The following A1CF variants were observed in gnomAD, a reference collection of about 807,000 sequenced individuals.
The protein encoded by A1CF is APOBEC-1 stimulating protein.
A1CF carries 48 observed loss-of-function variants against 68.9 expected under a neutral mutation model. That is an observed-to-expected ratio of 0.70 (90% CI 0.55 to 0.89). A1CF has a LOEUF of 0.89. Among genes scored for constraint, A1CF ranks in the 40% least tolerant of loss-of-function variants. The pLI, the probability that A1CF is intolerant of heterozygous loss-of-function variation, is 0.00. For synonymous variants in A1CF, 272 were observed against 260.4 expected (o/e 1.04, Z -0.43); for missense variants, 653 against 718.9 (o/e 0.91, Z 1.05).
At chr10:50,828,670 T>C (rs1216475360) in intron 6 of A1CF, among the ~76,000 whole-genome samples, 1 of 152,088 alleles carries the variant, frequency 6.6e-6, no homozygotes, top group Non-Finnish European at 1.5e-5. Context: ...GGCCCAGATA[T>C]AGAATCTGAC....
chr10:50,817,975 T>C (rs1351162769), intron 8 of A1CF, among the ~76,000 whole-genome samples: 1 of 152,204 alleles, frequency 6.6e-6, no homozygotes, highest in Non-Finnish European at 1.5e-5. Flanking sequence ...ATCATTTTTC[T>C]CTCTGAATAG....
At position 50,836,172 on chromosome 10, in the gene A1CF, T is replaced by C; in HGVS notation, c.506A>G (p.Tyr169Cys). The C allele has an allele frequency of 6.2e-7, 1 of 1,613,986 alleles. No homozygotes were observed. The highest frequency in any genetic ancestry group is 8.5e-7 in the Non-Finnish European group (1 of 1,179,908). Reference protein sequence around the residue: ...VTEGVVDVIVYPSAADKTKNR... With the variant: ...VTEGVVDVIVCPSAADKTKNR... The stretch of plus-strand genomic sequence containing the variant: ...TTTGGTTTTATCTGCAGCGCTTGGG[T>C]AGACGATGACATCGACAACACCTTC... The change falls in exon 6 of 13, where the codon TAC (tyrosine) becomes TGC (cysteine). Residue 169 changes from tyrosine to cysteine, a missense_variant. Physicochemically the swap from Tyr to Cys is radical, Grantham distance 194 (BLOSUM62 -2). Transcript: ENST00000373997.
At chr10:50,876,340 C>G (rs1477843843) in intron 1 of A1CF, among the ~76,000 whole-genome samples, 1 of 152,214 alleles carries the variant, frequency 6.6e-6, no homozygotes, top group Non-Finnish European at 1.5e-5. Flanking sequence ...AATTGTCCAG[C>G]CTGTGCTCCA....
chr10:50,868,904 A>G (rs1400122399), intron 1 of A1CF, among the ~76,000 whole-genome samples: 1 of 152,180 alleles, frequency 6.6e-6, no homozygotes, highest in East Asian at 1.9e-4. Flanking sequence ...CAAATACCAT[A>G]TGTTCTCACA....
chr10:50,816,331 A>T, intron 8 of A1CF, 52 bp from the exon 9 acceptor site: 1 of 1,575,882 alleles, frequency 6.3e-7, no homozygotes, highest in South Asian at 1.1e-5. Flanking sequence ...AAGATAACCA[A>T]GTGTGGCTGA....
In A1CF at chr10:50,806,619, C is replaced by G. The variant is rs1369677703; in HGVS notation, c.*110G>C. 9.5e-7 allele frequency: 1 copy of G among 1,050,964 alleles called. No individual in the cohort carries two copies. The highest frequency in any genetic ancestry group is 1.6e-5 in the African/African-American group (1 of 61,276). 65.1% of individuals were successfully genotyped at this position (1,050,964 alleles called of 1,614,324 possible). A position where few individuals can be genotyped will look rare whatever the true frequency, so the allele number is the denominator to read the frequency against. ...CTATACAGTCTCTGGAAAGGCATTT[C>G]TTTAGGAAACATATTATTTATGATC... On this transcript the variant is annotated 3_prime_UTR_variant, in exon 13 of 13. Coordinates refer to ENST00000373997, the MANE Select transcript of A1CF (RefSeq NM_014576.4).
At chr10:50,844,624 C>T (rs1340914348) in intron 3 of A1CF, among the ~76,000 whole-genome samples, 1 of 152,050 alleles carries the variant, frequency 6.6e-6, no homozygotes, top group Non-Finnish European at 1.5e-5. Context: ...CAGAAGGATC[C>T]CTTGAGCCCA....
intron 6 of A1CF, 101 bp from the exon 7 acceptor site, chr10:50,828,396 T>C (rs1839073800): frequency 1.1e-6 from 1 of 936,230 alleles, no homozygotes; most frequent in Non-Finnish European, 1.5e-6. Context: ...ACCCTTGAGG[T>C]CTTGAATGAG....
chr10:50,844,992 G>GT (rs1165855219), intron 3 of A1CF, among the ~76,000 whole-genome samples: 8 of 152,244 alleles, frequency 5.3e-5, no homozygotes, highest in African/African-American at 1.7e-4. Context: ...TTGGATCACA[G>GT]TATTTAATTC....
chr10:50,831,998 A>C (rs796945285), intron 6 of A1CF, among the ~76,000 whole-genome samples: 4 of 152,300 alleles, frequency 2.6e-5, no homozygotes, highest in African/African-American at 9.6e-5. Context: ...TATGGAAAAC[A>C]GTATGCAGGT....
At chr10:50,820,531 T>G (rs761743040) in intron 8 of A1CF, 21 bp downstream of exon 8, 23 of 1,607,924 alleles carry the variant, frequency 1.4e-5, no homozygotes, top group Non-Finnish European at 1.8e-5. Flanking sequence ...TCTGCATATT[T>G]TTTTCTTTCT....
At chr10:50,872,148 C>T in intron 1 of A1CF, among the ~76,000 whole-genome samples, 1 of 152,014 alleles carries the variant, frequency 6.6e-6, no homozygotes, top group East Asian at 1.9e-4. Context: ...AAATGGTAAT[C>T]TTTAGTGATC....
At position 50,813,987 on chromosome 10, in the gene A1CF, C is replaced by T. The variant is rs768672322; in HGVS notation, c.1193G>A (p.Gly398Asp). Residue 398 changes from glycine (G) to aspartate (D), a missense_variant, in exon 10 of 13, where the codon GGC becomes GAC. By Grantham distance (94) the Gly-to-Asp change is moderately conservative. Transcript: ENST00000373997. ...LGGRGYLAYT[G>D]LGRGYQVKGD... is the part of the protein sequence containing the mutation. ...TTTGACCTGGTATCCTCGACCCAGGCCTGTGTATGCCAAATAGCCACGGCC... is the reference window on the plus strand; with the variant it reads ...TTTGACCTGGTATCCTCGACCCAGGTCTGTGTATGCCAAATAGCCACGGCC... The T allele has an allele frequency of 1.1e-5, 18 of 1,613,734 alleles. No homozygotes were observed. In the East Asian group the frequency reaches 3.8e-4, roughly 34 times the overall value.
At chr10:50,878,107 G>A (rs1841600282) in intron 1 of A1CF, among the ~76,000 whole-genome samples, 2 of 152,144 alleles carry the variant, frequency 1.3e-5, no homozygotes, top group African/African-American at 2.4e-5. Flanking sequence ...GGGTGACAGA[G>A]TGAGACTCCA....
intron 5 of A1CF, among the ~76,000 whole-genome samples, chr10:50,840,067 G>T (rs1384447254): frequency 6.6e-6 from 1 of 152,134 alleles, no homozygotes; most frequent in African/African-American, 2.4e-5. Context: ...AAATAAGCCA[G>T]TAGTTAATTG....
In A1CF at chr10:50,813,989, T is replaced by G. The variant is rs547227373; in HGVS notation, c.1191A>C (p.Thr397=). 65 of 1,613,872 alleles carry G rather than the reference T, an allele frequency of 4.0e-5. No homozygotes were observed. The East Asian group carries it at 1.4e-3, about 35-fold the overall frequency. ...GLGGRGYLAY[T]GLGRGYQVKG... is the part of the protein sequence containing the mutation. ...TGACCTGGTATCCTCGACCCAGGCC[T>G]GTGTATGCCAAATAGCCACGGCCGC... The change falls in exon 10 of 13, where the codon ACA becomes ACC. Residue 397 remains threonine, a synonymous_variant. Coordinates refer to ENST00000373997, the MANE Select transcript of A1CF (RefSeq NM_014576.4).
intron 8 of A1CF, among the ~76,000 whole-genome samples, chr10:50,819,299 T>A (rs1838525411): frequency 6.6e-6 from 1 of 152,094 alleles, no homozygotes; most frequent in African/African-American, 2.4e-5. Flanking sequence ...CTCGGCTAAT[T>A]TTTTGTAGAG....
chr10:50,816,166 A>G lies in A1CF; in HGVS notation c.981T>C (p.Tyr327=). 1 of 1,613,770 alleles carries G rather than the reference A, an allele frequency of 6.2e-7. No individual in the cohort carries two copies. Among genetic ancestry groups the G allele is most frequent in the East Asian group, 2.2e-5 (1 of 44,838 alleles). ...CATAAACTTGGCCCAAAGAGTAGGTATACTCTCCTTGCAGCATGGTGCCCC... is the reference window on the plus strand; with the variant it reads ...CATAAACTTGGCCCAAAGAGTAGGTGTACTCTCCTTGCAGCATGGTGCCCC... ...GGRGTMLQGE[Y]TYSLGQVYDP... The change falls in exon 9 of 13, where the codon TAT becomes TAC. Residue 327 remains tyrosine, a synonymous_variant. Transcript: ENST00000373997.
intron 5 of A1CF, among the ~76,000 whole-genome samples, chr10:50,841,214 A>G (rs937635004): frequency 3.9e-5 from 6 of 152,088 alleles, no homozygotes; most frequent in Non-Finnish European, 8.8e-5. Context: ...CTTCATCTAC[A>G]CTTCCTCACA....
Sources: allele counts gnomAD v4.1 joint callset (sites outside exome capture counted in the v4.1 genomes callset), GRCh38; gene constraint gnomAD v4.1.1; transcripts MANE v1.5; gene names NCBI Gene and HGNC (gene_info 2026-07-23, HGNC 2026-07-21).